TPRG1: variants seen among roughly 807,000 people sequenced by gnomAD.
TPRG1 encodes tumor protein p63 regulated 1.
A neutral mutation model predicts 29.3 loss-of-function variants in TPRG1; 29 were observed. The observed-to-expected ratio is 0.99, with a 90% CI of 0.74 to 1.35. The LOEUF (loss-of-function observed/expected upper bound fraction) is 1.35. Ranked by LOEUF, TPRG1 falls within the 40% of genes most tolerant of loss-of-function variation. The probability of loss-of-function intolerance (pLI) is 0.00; values close to 1 mark genes in which losing one functional copy is unlikely to be tolerated. For missense variants in TPRG1, 327 were observed against 335.0 expected, an observed-to-expected ratio of 0.98 and a Z score of 0.19; for synonymous variants, 130 against 116.8, an observed-to-expected ratio of 1.11 and a Z score of -0.73.
chr3:189,096,538 A>G (rs2066799628), upstream of TPRG1, among the ~76,000 whole-genome samples: 1 of 152,208 alleles, frequency 6.6e-6, no homozygotes, highest in South Asian at 2.1e-4. Context: ...CTGTTCTTCT[A>G]CAGCAGTGGT....
intron 1 of TPRG1, among the ~76,000 whole-genome samples, chr3:189,185,360 A>AGCATATT (rs1469717695): frequency 6.6e-6 from 1 of 151,986 alleles, no homozygotes; most frequent in East Asian, 1.9e-4. Flanking sequence ...AGTAGCTGGG[A>AGCATATT]CCATGGGAAT....
At chr3:189,269,902 A>G (rs1714780854) in intron 4 of TPRG1, among the ~76,000 whole-genome samples, 1 of 152,202 alleles carries the variant, frequency 6.6e-6, no homozygotes, top group Non-Finnish European at 1.5e-5. Flanking sequence ...TCACCAGGAA[A>G]AAGGAACATG....
intron 3 of TPRG1, among the ~76,000 whole-genome samples, chr3:189,230,502 G>A (rs2108902762): frequency 6.6e-6 from 1 of 152,142 alleles, no homozygotes; most frequent in Admixed American, 6.5e-5. Flanking sequence ...CACTCTCTTT[G>A]CTCTCTTGCT....
intron 4 of TPRG1, among the ~76,000 whole-genome samples, chr3:189,085,832 G>A (rs887143523): frequency 1.3e-5 from 2 of 152,132 alleles, no homozygotes; most frequent in Non-Finnish European, 2.9e-5. Flanking sequence ...TGAGGATATG[G>A]ATGTATTTCA....
At chr3:189,182,416 A>G (rs983468023) in intron 1 of TPRG1, among the ~76,000 whole-genome samples, 2 of 152,240 alleles carry the variant, frequency 1.3e-5, no homozygotes, top group African/African-American at 4.8e-5. Flanking sequence ...TAAAACAAAT[A>G]TCTGACTAAC....
chr3:189,311,443 A>T (rs1045067131), intron 5 of TPRG1, among the ~76,000 whole-genome samples: 8 of 152,232 alleles, frequency 5.3e-5, no homozygotes, highest in African/African-American at 1.9e-4. Context: ...TTCTTGCATT[A>T]AACATACCTA....
At chr3:189,197,861 A>G (rs1275051880) in intron 1 of TPRG1, among the ~76,000 whole-genome samples, 1 of 152,220 alleles carries the variant, frequency 6.6e-6, no homozygotes, top group African/African-American at 2.4e-5. Flanking sequence ...TGGACCATAC[A>G]CAATGTGACA....
At chr3:189,026,565 A>T (rs953614431) in intron 4 of TPRG1, among the ~76,000 whole-genome samples, 5 of 152,168 alleles carry the variant, frequency 3.3e-5, no homozygotes, top group African/African-American at 1.2e-4. Context: ...GAACATTGAG[A>T]TGGAAAAATC....
At chr3:189,309,751 T>C (rs1405002198) in intron 4 of TPRG1, 1 of 152,214 alleles carries the variant, frequency 6.6e-6, no homozygotes, top group African/African-American at 2.4e-5. Context: ...TCCCACATCT[T>C]GTGGATTAAG....
chr3:189,309,282 A>G (rs963545646), intron 4 of TPRG1, among the ~76,000 whole-genome samples: 1 of 152,146 alleles, frequency 6.6e-6, no homozygotes, highest in Admixed American at 6.5e-5. Flanking sequence ...TGCTTATACC[A>G]TCTCCACATG....
upstream of TPRG1, among the ~76,000 whole-genome samples, chr3:189,168,854 T>C (rs1728468742): frequency 1.3e-5 from 2 of 152,210 alleles, no homozygotes; most frequent in Non-Finnish European, 2.9e-5. Flanking sequence ...AATTTTTATC[T>C]GCATGATCCA....
intron 5 of TPRG1, among the ~76,000 whole-genome samples, chr3:189,163,719 T>A (rs149042578): frequency 6.1e-4 from 93 of 152,276 alleles, no homozygotes; most frequent in African/African-American, 2.1e-3. Context: ...GAATTAGGCT[T>A]CTATGTGTGC....
intron 4 of TPRG1, among the ~76,000 whole-genome samples, chr3:189,281,186 G>A (rs1202217007): frequency 1.3e-5 from 2 of 152,212 alleles, no homozygotes; most frequent in African/African-American, 4.8e-5. Context: ...GAGAGGTTAA[G>A]GAACTGCTTC....
At chr3:189,094,810 C>A (rs7636550) in intron 4 of TPRG1, among the ~76,000 whole-genome samples, 7,076 of 152,200 alleles carry the variant, frequency 0.046, 538 homozygotes, top group African/African-American at 0.16. Flanking sequence ...TGAGAGAACT[C>A]CATAACTCCC....
chr3:189,310,238 A>G, intron 4 of TPRG1, 148 bp from the exon 5 acceptor site: 1 of 566,908 alleles, frequency 1.8e-6, no homozygotes, highest in Non-Finnish European at 2.8e-6. Context: ...TTAAAACCTA[A>G]TTCACCTTTT....
chr3:189,047,439 C>A (rs1715048587), intron 4 of TPRG1, among the ~76,000 whole-genome samples: 1 of 152,158 alleles, frequency 6.6e-6, no homozygotes, highest in African/African-American at 2.4e-5. Flanking sequence ...AATCTTTTTA[C>A]TGGTGGAGGG....
intron 4 of TPRG1, among the ~76,000 whole-genome samples, chr3:189,269,816 G>C (rs911048413): frequency 1.3e-5 from 2 of 152,108 alleles, no homozygotes; most frequent in Non-Finnish European, 2.9e-5. Context: ...ACTTAAAGAT[G>C]GGTAAACAGC....
At chr3:189,313,050 CT>C (rs11289341) in intron 5 of TPRG1, 73,270 of 148,684 alleles carry the variant, frequency 0.49, 18,206 homozygotes, top group Middle Eastern at 0.59. Context: ...AGCTTTTTCT[CT>C]TTTTTTTTTT....
At chr3:189,260,960 T>C (rs1045189984) in intron 4 of TPRG1, among the ~76,000 whole-genome samples, 1 of 152,224 alleles carries the variant, frequency 6.6e-6, no homozygotes, top group African/African-American at 2.4e-5. Context: ...AAAGGGCTTC[T>C]GCTCTGGGTG....
Sources: gnomAD v4.1 joint callset for allele counts (sites outside exome capture counted in the v4.1 genomes callset) on GRCh38, gnomAD v4.1.1 for gene constraint, MANE v1.5 for transcripts, NCBI Gene and HGNC (gene_info 2026-07-23, HGNC 2026-07-21) for gene names.